The following CNTNAP5 variants were observed in gnomAD, a reference collection of about 807,000 sequenced individuals.
CNTNAP5 encodes the protein contactin-associated protein-like 5.
A neutral mutation model predicts 150.2 loss-of-function variants in CNTNAP5; 72 were observed. The ratio of observed to expected loss-of-function variants is 0.48; its 90% confidence interval spans 0.40 to 0.58. The LOEUF is 0.58. Among genes scored for constraint, CNTNAP5 ranks in the 20% least tolerant of loss-of-function variants. CNTNAP5 has a pLI of 0.00. For synonymous variants in CNTNAP5, 672 were observed against 619.8 expected (o/e 1.08, Z -1.25); for missense variants, 1,636 against 1,626.2 (o/e 1.01, Z -0.10).
Position 124,764,051 on chromosome 2 carries a change from A to G in CNTNAP5, c.2437A>G (p.Ser813Gly). 6.2e-7 allele frequency: 1 copy of G among 1,613,304 alleles called. No individual in the cohort carries two copies. Among genetic ancestry groups the G allele is most frequent in the Non-Finnish European group, 8.5e-7 (1 of 1,179,420 alleles). ...CTTTCCTACCTTCCATGCGGAATTC[A>G]GTGCCGATATTTCCTTCTTTTTTAA... Reference protein sequence around the residue: ...LHFPTFHAEFSADISFFFKTT... With the variant: ...LHFPTFHAEFGADISFFFKTT... The change falls in exon 16 of 24, where the codon AGT becomes GGT. Residue 813 changes from serine to glycine, a missense_variant. Physicochemically the swap from Ser to Gly is moderately conservative, Grantham distance 56. Coordinates refer to ENST00000682447, the MANE Select transcript of CNTNAP5 (RefSeq NM_001367498.1).
At chr2:124,135,359 A>C (rs1333549531) in intron 1 of CNTNAP5, among the ~76,000 whole-genome samples, 1 of 152,252 alleles carries the variant, frequency 6.6e-6, no homozygotes, top group African/African-American at 2.4e-5. Flanking sequence ...ACAGGCAAGC[A>C]AAGGGACCTT....
chr2:124,278,492 C>T (rs1454123185), intron 3 of CNTNAP5, among the ~76,000 whole-genome samples: 3 of 152,128 alleles, frequency 2.0e-5, no homozygotes, highest in African/African-American at 7.2e-5. Flanking sequence ...TTTCTATCCA[C>T]AATCAAAACA....
intron 13 of CNTNAP5, among the ~76,000 whole-genome samples, chr2:124,655,945 G>GAGAAAGAAAAGAAAGAA (rs1678439502): frequency 3.6e-5 from 2 of 55,490 alleles, no homozygotes; most frequent in African/African-American, 1.5e-4. Context: ...GAGAGAGAGA[G>GAGAAAGAAAAGAAAGAA]AGAAAGAAAG....
At chr2:124,305,111 C>CAAAAAAA (rs57896748) in intron 3 of CNTNAP5, among the ~76,000 whole-genome samples, 10 of 86,376 alleles carry the variant, frequency 1.2e-4, no homozygotes, top group East Asian at 7.8e-4. Flanking sequence ...ACAAAAAATA[C>CAAAAAAA]AAAAAAAAAA....
chr2:124,402,965 C>A (rs1691468292), intron 3 of CNTNAP5, among the ~76,000 whole-genome samples: 2 of 152,286 alleles, frequency 1.3e-5, no homozygotes, highest in South Asian at 4.2e-4. Flanking sequence ...CAGTTTGGAA[C>A]TTTGAAGGCT....
intron 12 of CNTNAP5, among the ~76,000 whole-genome samples, chr2:124,645,540 C>G (rs1400983837): frequency 6.7e-6 from 1 of 150,130 alleles, no homozygotes; most frequent in Non-Finnish European, 1.5e-5. Context: ...TGTCCTCCAG[C>G]CTGGGCAACA....
chr2:124,287,051 G>A (rs909902527), intron 3 of CNTNAP5, among the ~76,000 whole-genome samples: 2 of 152,144 alleles, frequency 1.3e-5, no homozygotes, highest in Non-Finnish European at 2.9e-5. Context: ...CATCACACAT[G>A]CAATACTTAC....
At chr2:124,592,776 A>G (rs1696725287) in intron 11 of CNTNAP5, among the ~76,000 whole-genome samples, 3 of 152,086 alleles carry the variant, frequency 2.0e-5, no homozygotes, top group Non-Finnish European at 1.5e-5. Context: ...GTCTCCACTC[A>G]TATCATCAGC....
chr2:124,113,923 C>A (rs1459055865), intron 1 of CNTNAP5, among the ~76,000 whole-genome samples: 7 of 151,860 alleles, frequency 4.6e-5, no homozygotes, highest in African/African-American at 1.7e-4. Context: ...GTGTCTCTCT[C>A]TCTATATATA....
chr2:124,170,007 A>G (rs1684893621), intron 1 of CNTNAP5, among the ~76,000 whole-genome samples: 2 of 152,170 alleles, frequency 1.3e-5, no homozygotes, highest in African/African-American at 4.8e-5. Flanking sequence ...TATAGACTGC[A>G]CCTACAGCTA....
chr2:124,788,373 A>T (rs1473655101), intron 17 of CNTNAP5, among the ~76,000 whole-genome samples: 2 of 152,228 alleles, frequency 1.3e-5, no homozygotes, highest in South Asian at 2.1e-4. Flanking sequence ...CTCAGCAGAA[A>T]GTTACAAGCC....
intron 7 of CNTNAP5, among the ~76,000 whole-genome samples, chr2:124,491,672 T>A (rs1178944578): frequency 5.9e-5 from 9 of 152,150 alleles, no homozygotes. Context: ...CCATGTTGTT[T>A]TGCATAATGC....
At chr2:124,895,109 G>A (rs1423028901) in intron 21 of CNTNAP5, among the ~76,000 whole-genome samples, 1 of 151,318 alleles carries the variant, frequency 6.6e-6, no homozygotes, top group Admixed American at 6.6e-5. Context: ...AATGGTAGAA[G>A]GTTTGTTTAC....
intron 3 of CNTNAP5, among the ~76,000 whole-genome samples, chr2:124,331,298 C>T (rs961280870): frequency 3.5e-4 from 53 of 151,832 alleles, no homozygotes; most frequent in Middle Eastern, 3.4e-3. Context: ...TATTTGTAGC[C>T]GACAATAATT....
intron 13 of CNTNAP5, among the ~76,000 whole-genome samples, chr2:124,657,973 T>A (rs976619064): frequency 1.3e-5 from 2 of 152,266 alleles, no homozygotes; most frequent in African/African-American, 4.8e-5. Context: ...GTTCACTATC[T>A]GCCTCTGTCA....
At chr2:124,777,397 CAG>C (rs1681347627) in intron 17 of CNTNAP5, among the ~76,000 whole-genome samples, 2 of 152,152 alleles carry the variant, frequency 1.3e-5, no homozygotes, top group Admixed American at 6.5e-5. Context: ...TTTTTTGAAA[CAG>C]AGTCTCTCTC....
intron 1 of CNTNAP5, among the ~76,000 whole-genome samples, chr2:124,217,343 T>C (rs1573843801): frequency 6.6e-6 from 1 of 152,308 alleles, no homozygotes; most frequent in South Asian, 2.1e-4. Flanking sequence ...AACAGAGTGA[T>C]GGATTCAGCA....
At chr2:124,434,053 G>A (rs1449750370) in intron 4 of CNTNAP5, among the ~76,000 whole-genome samples, 2 of 152,076 alleles carry the variant, frequency 1.3e-5, no homozygotes, top group Admixed American at 1.3e-4. Context: ...TGTGGAGTTG[G>A]CATCATAATT....
intron 13 of CNTNAP5, among the ~76,000 whole-genome samples, chr2:124,744,426 G>A (rs1266747894): frequency 6.6e-6 from 1 of 152,074 alleles, no homozygotes; most frequent in Admixed American, 6.6e-5. Context: ...GCATGAAAAT[G>A]CACTAATACA....
Sources: gnomAD v4.1 joint callset for allele counts (sites outside exome capture counted in the v4.1 genomes callset) on GRCh38, gnomAD v4.1.1 for gene constraint, MANE v1.5 for transcripts, NCBI Gene and HGNC (gene_info 2026-07-23, HGNC 2026-07-21) for gene names.